The following LRPPRC variants were observed in gnomAD, a reference collection of about 807,000 sequenced individuals.
The protein encoded by LRPPRC is leucine-rich PPR motif-containing protein, mitochondrial.
LRPPRC carries 120 observed loss-of-function variants against 180.3 expected under a neutral mutation model. The ratio of observed to expected loss-of-function variants is 0.67; its 90% CI spans 0.57 to 0.77. LRPPRC has a LOEUF of 0.77. Ranked by LOEUF, LRPPRC falls within the 30% of genes least tolerant of loss-of-function variation. The pLI is 0.00. For missense variants in LRPPRC, 2,012 were observed against 1,657.2 expected, an observed-to-expected ratio of 1.21 and a Z score of -3.72; for synonymous variants, 723 against 600.0, an observed-to-expected ratio of 1.21 and a Z score of -3.00.
intron 29 of LRPPRC, among the ~76,000 whole-genome samples, chr2:43,915,232 TCACACACACACACA>T (rs375631611): frequency 0.013 from 654 of 51,700 alleles, 5 homozygotes; most frequent in South Asian, 0.05. Context: ...TCTCTCTCTC[TCACACACACACACA>T]CACACACACA....
intron 1 of LRPPRC, among the ~76,000 whole-genome samples, chr2:43,983,926 G>C (rs1271067999): frequency 2.0e-5 from 3 of 151,930 alleles, no homozygotes; most frequent in Admixed American, 6.6e-5. Context: ...CCACCATCTA[G>C]GTATAAAATA....
chr2:43,972,194 G>A (rs1413416847), intron 11 of LRPPRC, among the ~76,000 whole-genome samples: 2 of 152,192 alleles, frequency 1.3e-5, no homozygotes, highest in Non-Finnish European at 2.9e-5. Flanking sequence ...GCTAAGGTCA[G>A]TCACTGAATG....
intron 37 of LRPPRC, 52 bp downstream of exon 37, chr2:43,889,682 G>C (rs777124595): frequency 1.2e-4 from 158 of 1,331,974 alleles, no homozygotes; most frequent in Non-Finnish European, 1.6e-4. Context: ...TTGTTATGAA[G>C]TGCACATAAA....
In LRPPRC at chr2:43,949,009, C is replaced by T. The variant is rs926770304; in HGVS notation, c.1736-491G>A. 5.5e-4 allele frequency among the ~76,000 whole-genome samples: 83 copies of T among 151,920 alleles called. 1 individual carries two copies. The highest frequency in any genetic ancestry group is 5.2e-3 in the Admixed American group (79 of 15,250). On this transcript the variant is annotated intron_variant, in intron 16 of 37. Coordinates refer to ENST00000260665, the MANE Select transcript of LRPPRC (RefSeq NM_133259.4). ...ATCCTGTGGAGAGCTGCCTATTAGC[C>T]AATGAAAAACCAAGATTAACAAAGA...
At chr2:43,968,901 C>T (rs1219528494) in intron 11 of LRPPRC, among the ~76,000 whole-genome samples, 1 of 152,160 alleles carries the variant, frequency 6.6e-6, no homozygotes, top group Non-Finnish European at 1.5e-5. Context: ...GGCATACACA[C>T]AAATGGTTAA....
intron 14 of LRPPRC, 93 bp downstream of exon 14, chr2:43,957,292 A>T: frequency 1.1e-6 from 1 of 881,120 alleles, no homozygotes; most frequent in Non-Finnish European, 1.9e-6. Flanking sequence ...CTGAAAGATA[A>T]GAATATTTGT....
In LRPPRC at chr2:43,886,323, T is replaced by C. The variant is rs886056041; in HGVS notation, c.*2277A>G. Reference sequence around the variant, plus strand: ...ATATATAAAATACTATAGTTCTCAATAGTTTACAGTGACATCTTTTTTAGA... The same window carrying C: ...ATATATAAAATACTATAGTTCTCAACAGTTTACAGTGACATCTTTTTTAGA... On this transcript the variant is annotated 3_prime_UTR_variant, in exon 38 of 38. Coordinates refer to ENST00000260665, the MANE Select transcript of LRPPRC (RefSeq NM_133259.4). 1.3e-5 allele frequency among the ~76,000 whole-genome samples: 2 copies of C among 152,320 alleles called. No individual in the cohort carries two copies. Among genetic ancestry groups the C allele is most frequent in the African/African-American group, 2.4e-5 (1 of 41,570 alleles).
At chr2:43,992,407 C>G (rs1045038472) in intron 1 of LRPPRC, among the ~76,000 whole-genome samples, 1 of 152,214 alleles carries the variant, frequency 6.6e-6, no homozygotes, top group Non-Finnish European at 1.5e-5. Flanking sequence ...AAGTAGTAGT[C>G]TGGTACGGCT....
intron 3 of LRPPRC, among the ~76,000 whole-genome samples, chr2:43,978,818 C>A (rs759999995): frequency 1.3e-5 from 2 of 151,936 alleles, no homozygotes; most frequent in Non-Finnish European, 2.9e-5. Flanking sequence ...TTATCTGTAG[C>A]TATACTTTCT....
At chr2:43,958,636 T>C (rs1274202264) in intron 13 of LRPPRC, among the ~76,000 whole-genome samples, 6 of 152,226 alleles carry the variant, frequency 3.9e-5, no homozygotes, top group African/African-American at 1.2e-4. Flanking sequence ...TCTCAGCAGC[T>C]TTTAATTTCA....
intron 31 of LRPPRC, among the ~76,000 whole-genome samples, chr2:43,905,286 A>G (rs1209406963): frequency 6.6e-6 from 1 of 152,252 alleles, no homozygotes; most frequent in African/African-American, 2.4e-5. Context: ...CCAACACAAT[A>G]TGCAAGAAAC....
chr2:43,938,746 T>C (rs1672362997), intron 23 of LRPPRC, among the ~76,000 whole-genome samples: 1 of 152,236 alleles, frequency 6.6e-6, no homozygotes, highest in East Asian at 1.9e-4. Context: ...CTATGGGACA[T>C]CCACCAATCA....
chr2:43,891,037 CAA>C (rs905696607), intron 36 of LRPPRC, among the ~76,000 whole-genome samples: 12 of 152,224 alleles, frequency 7.9e-5, no homozygotes, highest in African/African-American at 2.4e-4. Context: ...GTTCAGCAAT[CAA>C]AGAGTCTCCC....
intron 27 of LRPPRC, among the ~76,000 whole-genome samples, 174 bp from the exon 28 acceptor site, chr2:43,918,572 G>A (rs1315494513): frequency 6.6e-6 from 1 of 151,898 alleles, no homozygotes; most frequent in Non-Finnish European, 1.5e-5. Context: ...ACTTTTCTCT[G>A]TACTTCTGAA....
Position 43,888,612 on chromosome 2 carries a change from T to G in LRPPRC, c.4173A>C (p.Glu1391Asp), listed in dbSNP as rs553531360. Residue 1391 changes from glutamate (E) to aspartate (D), a missense_variant, in exon 38 of 38, where the codon GAA (glutamate) becomes GAC (aspartate). Coordinates refer to ENST00000260665, the MANE Select transcript of LRPPRC (RefSeq NM_133259.4). Reference sequence around the variant, plus strand: ...TCGCCTGGTTATTTCAAGAAGAGTTTTCCCTCAATTTTCTTAGCTGCTGTG... The same window carrying G: ...TCGCCTGGTTATTTCAAGAAGAGTTGTCCCTCAATTTTCTTAGCTGCTGTG... ...FYAQQLRKLR[E>D]NSS The G allele has an allele frequency of 6.3e-7, 1 of 1,595,698 alleles. No homozygotes were observed. The highest frequency in any genetic ancestry group is 2.2e-5 in the East Asian group (1 of 44,764).
chr2:43,974,911 C>T (rs890083398), intron 7 of LRPPRC, among the ~76,000 whole-genome samples, 153 bp from the exon 8 acceptor site: 1 of 152,006 alleles, frequency 6.6e-6, no homozygotes, highest in Non-Finnish European at 1.5e-5. Context: ...TCTACTTCAA[C>T]AGTAACTGTT....
intron 14 of LRPPRC, among the ~76,000 whole-genome samples, chr2:43,952,758 T>A (rs1486075511): frequency 6.6e-6 from 1 of 152,210 alleles, no homozygotes; most frequent in Non-Finnish European, 1.5e-5. Flanking sequence ...TAAGGCGATG[T>A]AAAATACCTT....
At chr2:43,958,564 A>G (rs1559011977) in intron 13 of LRPPRC, among the ~76,000 whole-genome samples, 1 of 152,186 alleles carries the variant, frequency 6.6e-6, no homozygotes, top group African/African-American at 2.4e-5. Flanking sequence ...TCTAAAAGTC[A>G]CTTTTAAAAT....
At chr2:43,905,139 T>C (rs1424581905) in intron 31 of LRPPRC, among the ~76,000 whole-genome samples, 1 of 152,142 alleles carries the variant, frequency 6.6e-6, no homozygotes, top group Admixed American at 6.6e-5. Context: ...AAACAAACAC[T>C]GTATTTTATT....
Sources: allele counts gnomAD v4.1 joint callset (sites outside exome capture counted in the v4.1 genomes callset), GRCh38; gene constraint gnomAD v4.1.1; transcripts MANE v1.5; gene names NCBI Gene and HGNC (gene_info 2026-07-23, HGNC 2026-07-21).